Variants in IQCM observed in about 807,000 individuals in gnomAD.
IQCM encodes the protein IQ motif containing M, also known as IQ domain-containing protein M.
IQCM carries 45 observed loss-of-function variants against 57.6 expected under a neutral mutation model. That is an observed-to-expected ratio of 0.78 (90% CI 0.62 to 1.00). The LOEUF (loss-of-function observed/expected upper bound fraction) is 1.00, where lower values mean the gene tolerates loss of function less well. IQCM is among the 50% of genes least tolerant of loss of function. IQCM has a pLI of 0.00. For synonymous variants in IQCM, 148 were observed against 158.9 expected (o/e 0.93, Z 0.51); for missense variants, 468 against 511.6 (o/e 0.91, Z 0.82).
intron 9 of IQCM, among the ~76,000 whole-genome samples, chr4:149,566,452 G>A (rs1393437661): frequency 6.6e-6 from 1 of 152,006 alleles, no homozygotes; most frequent in East Asian, 1.9e-4. Context: ...TGCCTTGAAA[G>A]GCACAGTTTT....
At chr4:149,359,240 AT>A (rs1352660979) in intron 13 of IQCM, among the ~76,000 whole-genome samples, 1 of 152,186 alleles carries the variant, frequency 6.6e-6, no homozygotes, top group Non-Finnish European at 1.5e-5. Context: ...TCATAAAAGC[AT>A]ATTTTATTAA....
At chr4:149,506,783 A>T (rs1743861134) in intron 12 of IQCM, among the ~76,000 whole-genome samples, 1 of 152,172 alleles carries the variant, frequency 6.6e-6, no homozygotes, top group Non-Finnish European at 1.5e-5. Context: ...AATTCCCAAT[A>T]ACATCAGCCA....
intron 13 of IQCM, among the ~76,000 whole-genome samples, chr4:149,412,320 C>T (rs1469521638): frequency 6.6e-6 from 1 of 152,122 alleles, no homozygotes; most frequent in Non-Finnish European, 1.5e-5. Flanking sequence ...CCCTACAGTA[C>T]TTAAATTATA....
At chr4:149,535,384 C>T (rs1747187514) in intron 12 of IQCM, among the ~76,000 whole-genome samples, 1 of 151,940 alleles carries the variant, frequency 6.6e-6, no homozygotes, top group South Asian at 2.1e-4. Flanking sequence ...AAGTTTTTCT[C>T]ATCAGGGAGT....
rs759816544 is a variant in IQCM, at chr4:149,742,661, C to G, written c.31G>C (p.Ala11Pro). 5 of 1,231,134 alleles carry G rather than the reference C, an allele frequency of 4.1e-6. No individual in the cohort carries two copies. The highest frequency in any genetic ancestry group is 5.1e-6 in the Non-Finnish European group (5 of 987,362). 76.3% of individuals were successfully genotyped at this position (1,231,134 alleles called of 1,614,324 possible). A position where few individuals can be genotyped will look rare whatever the true frequency, so the allele number is the denominator to read the frequency against. Residue 11 changes from alanine to proline, a missense_variant, in exon 3 of 14, where the codon GCA (alanine) becomes CCA (proline). Physicochemically the swap from Ala to Pro is conservative, Grantham distance 27 (BLOSUM62 -1). Transcript: ENST00000636793. MTTEEAMPEKAKCPTLEITKQ... is the reference protein window; with the variant it reads MTTEEAMPEKPKCPTLEITKQ... ...GGTAAGCACAGATACTCACATTTTG[C>G]TTTTTCAGGCATAGCCTCTTCAGTA... is the stretch of plus-strand genomic sequence containing the variant.
intron 7 of IQCM, among the ~76,000 whole-genome samples, chr4:149,648,596 T>C (rs1758863166): frequency 6.6e-6 from 1 of 152,200 alleles, no homozygotes; most frequent in African/African-American, 2.4e-5. Context: ...TTTCTAGTTC[T>C]AGATCCCTGA....
intron 8 of IQCM, among the ~76,000 whole-genome samples, chr4:149,602,179 TA>T (rs1754376039): frequency 6.6e-6 from 1 of 152,074 alleles, no homozygotes; most frequent in Non-Finnish European, 1.5e-5. Context: ...GTATTATAAG[TA>T]AGCTAGAGAT....
At chr4:149,407,298 T>C (rs1733053079) in intron 13 of IQCM, among the ~76,000 whole-genome samples, 1 of 152,144 alleles carries the variant, frequency 6.6e-6, no homozygotes, top group African/African-American at 2.4e-5. Context: ...CATTCATAAA[T>C]TGTAACATCA....
At chr4:149,559,308 A>C (rs1296133445) in intron 10 of IQCM, among the ~76,000 whole-genome samples, 1 of 152,220 alleles carries the variant, frequency 6.6e-6, no homozygotes, top group Non-Finnish European at 1.5e-5. Flanking sequence ...TCAGACACCA[A>C]GTATAAACTC....
intron 6 of IQCM, among the ~76,000 whole-genome samples, chr4:149,685,960 G>A (rs1487942956): frequency 6.6e-6 from 1 of 151,550 alleles, no homozygotes; most frequent in East Asian, 1.9e-4. Flanking sequence ...TAGAACCAGT[G>A]TCACCTTCTG....
At chr4:149,405,889 C>CATATAT (rs10595442) in intron 13 of IQCM, among the ~76,000 whole-genome samples, 1 of 142,152 alleles carries the variant, frequency 7.0e-6, no homozygotes, top group African/African-American at 2.6e-5. Context: ...TATATATCTT[C>CATATAT]ATATATATAT....
intron 13 of IQCM, among the ~76,000 whole-genome samples, chr4:149,393,438 C>T (rs771655737): frequency 3.3e-5 from 5 of 150,876 alleles, no homozygotes; most frequent in Admixed American, 6.6e-5. Context: ...ATAAACCTAA[C>T]GGAAGCATTT....
chr4:149,354,332 C>T (rs1471818197), intron 13 of IQCM, among the ~76,000 whole-genome samples: 1 of 113,080 alleles, frequency 8.8e-6, no homozygotes, highest in Non-Finnish European at 1.7e-5. Context: ...CCACTGCACT[C>T]CAGCCTGGGC....
chr4:149,793,054 G>C (rs575143598), intron 2 of IQCM, among the ~76,000 whole-genome samples: 1 of 152,258 alleles, frequency 6.6e-6, no homozygotes, highest in Non-Finnish European at 1.5e-5. Context: ...CATTATTTAT[G>C]AAGTCAGCTC....
chr4:149,568,754 G>A (rs911675834), intron 9 of IQCM, among the ~76,000 whole-genome samples: 1 of 152,082 alleles, frequency 6.6e-6, no homozygotes, highest in Non-Finnish European at 1.5e-5. Flanking sequence ...ACTCAGCCTG[G>A]GTGACAGAAT....
chr4:149,660,275 C>T (rs200630080), intron 7 of IQCM, among the ~76,000 whole-genome samples: 2,869 of 152,156 alleles, frequency 0.019, 85 homozygotes, highest in South Asian at 0.14. Context: ...ATCAAAACCA[C>T]AATGAGATAC....
chr4:149,727,685 T>C (rs756794613), intron 5 of IQCM, among the ~76,000 whole-genome samples: 1 of 152,118 alleles, frequency 6.6e-6, no homozygotes, highest in South Asian at 2.1e-4. Flanking sequence ...TCATCCCCCC[T>C]TCCTGGTTGT....
Position 149,515,801 on chromosome 4 carries a change from A to G in IQCM, c.1228+32654T>C, listed in dbSNP as rs532426104. On this transcript the variant is annotated intron_variant, in intron 12 of 13. Coordinates refer to ENST00000636793, the MANE Select transcript of IQCM (RefSeq NM_001363507.2). ...GGATGGTCAGGGACTTGGAAAAAGC[A>G]TGACTAGAAAACTGGTGACAAAGAA... Among the ~76,000 whole-genome samples, 3 of 152,354 alleles carry G rather than the reference A, an allele frequency of 2.0e-5. No homozygotes were observed. The East Asian group carries it at 5.8e-4, about 29-fold the overall frequency.
intron 7 of IQCM, among the ~76,000 whole-genome samples, chr4:149,643,181 A>G (rs1290382778): frequency 6.6e-6 from 1 of 152,152 alleles, no homozygotes; most frequent in Non-Finnish European, 1.5e-5. Context: ...AGTTTAACAC[A>G]TGGAGTTATT....
Sources: gnomAD v4.1 joint callset for allele counts (sites outside exome capture counted in the v4.1 genomes callset) on GRCh38, gnomAD v4.1.1 for gene constraint, MANE v1.5 for transcripts, NCBI Gene and HGNC (gene_info 2026-07-23, HGNC 2026-07-21) for gene names.